ARL15: variants seen among roughly 807,000 people sequenced by gnomAD.
The protein encoded by ARL15 is ADP-ribosylation factor-like protein 15.
A neutral mutation model predicts 25.2 loss-of-function variants in ARL15; 19 were observed. The observed-to-expected ratio is 0.75, with a 90% CI of 0.53 to 1.10. The LOEUF (loss-of-function observed/expected upper bound fraction) is 1.10, where lower values mean the gene tolerates loss of function less well. Ranked by LOEUF, ARL15 falls within the 50% of genes least tolerant of loss-of-function variation. The pLI is 0.00. For missense variants in ARL15, 220 were observed against 246.0 expected, an observed-to-expected ratio of 0.89 and a Z score of 0.71; for synonymous variants, 94 against 86.8, an observed-to-expected ratio of 1.08 and a Z score of -0.46.
intron 4 of ARL15, among the ~76,000 whole-genome samples, chr5:54,109,326 C>T (rs924888917): frequency 6.6e-6 from 1 of 151,940 alleles, no homozygotes; most frequent in African/African-American, 2.4e-5. Context: ...TTTTGATATA[C>T]TATTTCTGAA....
chr5:53,945,032 T>C (rs1746678184), intron 4 of ARL15, among the ~76,000 whole-genome samples: 1 of 152,186 alleles, frequency 6.6e-6, no homozygotes, highest in Non-Finnish European at 1.5e-5. Context: ...TCAGGGAGGC[T>C]GCATTCTTGT....
At chr5:54,201,221 T>G (rs1168030397) in intron 1 of ARL15, among the ~76,000 whole-genome samples, 1 of 151,970 alleles carries the variant, frequency 6.6e-6, no homozygotes, top group Non-Finnish European at 1.5e-5. Flanking sequence ...TGCACCTCTT[T>G]CCATCTTTCT....
intron 1 of ARL15, among the ~76,000 whole-genome samples, chr5:54,274,895 A>G (rs992525335): frequency 3.0e-4 from 46 of 152,186 alleles, no homozygotes; most frequent in African/African-American, 1.1e-3. Context: ...TTCTGTCTCA[A>G]AAAAAACCTT....
intron 1 of ARL15, among the ~76,000 whole-genome samples, chr5:54,287,368 A>G (rs1380174374): frequency 6.6e-6 from 1 of 152,016 alleles, no homozygotes; most frequent in East Asian, 1.9e-4. Context: ...CTTTAGGGAA[A>G]CAGAGTAGAG....
chr5:54,264,116 G>A (rs1332558353), intron 1 of ARL15, among the ~76,000 whole-genome samples: 2 of 152,058 alleles, frequency 1.3e-5, no homozygotes, highest in African/African-American at 4.8e-5. Flanking sequence ...TACTGCACAA[G>A]CCTCCTGAGG....
chr5:53,917,092 A>G (rs1745676020), intron 4 of ARL15, among the ~76,000 whole-genome samples: 1 of 152,186 alleles, frequency 6.6e-6, no homozygotes. Flanking sequence ...CCCTTGGAAA[A>G]GGACCAGCCA....
chr5:54,127,843 A>T (rs2112266535), intron 3 of ARL15, among the ~76,000 whole-genome samples: 1 of 151,820 alleles, frequency 6.6e-6, no homozygotes, highest in South Asian at 2.1e-4. Context: ...GGAACAGAAC[A>T]GAGCCCTCAG....
At chr5:54,224,330 A>G (rs1196756433) in intron 1 of ARL15, among the ~76,000 whole-genome samples, 1 of 152,186 alleles carries the variant, frequency 6.6e-6, no homozygotes, top group Non-Finnish European at 1.5e-5. Context: ...CACAACTGAG[A>G]TAAGGCACAG....
At chr5:54,191,551 A>C (rs1755401887) in intron 1 of ARL15, among the ~76,000 whole-genome samples, 1 of 152,166 alleles carries the variant, frequency 6.6e-6, no homozygotes, top group Non-Finnish European at 1.5e-5. Context: ...ATTCCTCCTG[A>C]AACTTTCCTC....
rs1005126545 is a variant in ARL15 at position 53,948,938 on chromosome 5, C to T, written c.463-62225G>A. Among the ~76,000 whole-genome samples, 40 of 152,144 alleles carry T rather than the reference C, an allele frequency of 2.6e-4. 2 individuals are homozygous for T. Among genetic ancestry groups the T allele is most frequent in the Admixed American group, 2.6e-3 (40 of 15,278 alleles). ...TAACAAACTCATACACACACAGAAC[C>T]GCAAATCATTACCTTCACTGCCATT... On this transcript the variant is annotated intron_variant, in intron 4 of 4. Coordinates refer to ENST00000504924, the MANE Select transcript of ARL15 (RefSeq NM_019087.3).
At chr5:54,199,569 A>T (rs1312250131) in intron 1 of ARL15, among the ~76,000 whole-genome samples, 1 of 151,780 alleles carries the variant, frequency 6.6e-6, no homozygotes, top group Non-Finnish European at 1.5e-5. Flanking sequence ...GCCATCAGAG[A>T]AATGCAAATC....
intron 4 of ARL15, among the ~76,000 whole-genome samples, chr5:54,019,420 A>C (rs1197896548): frequency 6.6e-6 from 1 of 152,158 alleles, no homozygotes; most frequent in Non-Finnish European, 1.5e-5. Context: ...ATGATCTGAG[A>C]ATCTTCATAT....
chr5:53,949,779 A>G (rs567380427), intron 4 of ARL15, among the ~76,000 whole-genome samples: 32 of 152,320 alleles, frequency 2.1e-4, no homozygotes, highest in African/African-American at 7.5e-4. Flanking sequence ...AGAACACTGA[A>G]CTTTTTCAAC....
intron 1 of ARL15, among the ~76,000 whole-genome samples, chr5:54,297,071 T>C (rs1758482242): frequency 6.6e-6 from 1 of 152,214 alleles, no homozygotes; most frequent in African/African-American, 2.4e-5. Flanking sequence ...CCCAGGTTTA[T>C]TGTGCTACAG....
At chr5:53,945,269 C>T (rs935850602) in intron 4 of ARL15, among the ~76,000 whole-genome samples, 8 of 152,216 alleles carry the variant, frequency 5.3e-5, no homozygotes, top group African/African-American at 1.9e-4. Flanking sequence ...ATCACTATTA[C>T]GTTGCAACTG....
intron 1 of ARL15, among the ~76,000 whole-genome samples, chr5:54,284,571 G>A (rs1433542462): frequency 6.6e-6 from 1 of 152,192 alleles, no homozygotes; most frequent in East Asian, 1.9e-4. Flanking sequence ...TATCTTTTAA[G>A]GAGGGAGAAA....
At chr5:54,055,376 T>G (rs944180356) in intron 4 of ARL15, among the ~76,000 whole-genome samples, 17 of 145,848 alleles carry the variant, frequency 1.2e-4, no homozygotes, top group African/African-American at 3.9e-4. Flanking sequence ...TTTTTTTTTT[T>G]TTGAGATAGA....
intron 4 of ARL15, among the ~76,000 whole-genome samples, chr5:54,065,570 G>A (rs989503639): frequency 1.3e-5 from 2 of 152,176 alleles, no homozygotes; most frequent in Non-Finnish European, 2.9e-5. Flanking sequence ...GGAGGCTGAG[G>A]CAGGAGAATC....
intron 1 of ARL15, among the ~76,000 whole-genome samples, chr5:54,173,592 C>A (rs568918408): frequency 6.6e-6 from 1 of 152,310 alleles, no homozygotes; most frequent in East Asian, 1.9e-4. Flanking sequence ...TGAAGTAGCT[C>A]TAGGATCTGT....
Sources: allele counts gnomAD v4.1 joint callset (sites outside exome capture counted in the v4.1 genomes callset), GRCh38; gene constraint gnomAD v4.1.1; transcripts MANE v1.5; gene names NCBI Gene and HGNC (gene_info 2026-07-23, HGNC 2026-07-21).